DPP4: variants seen among roughly 807,000 people sequenced by gnomAD.
DPP4 encodes ADCP-2.
In DPP4, 93 loss-of-function variants were observed where a neutral mutation model predicts 122.4. The observed-to-expected ratio is 0.76, with a 90% CI of 0.64 to 0.90. The LOEUF is 0.90. DPP4 is among the 40% of genes least tolerant of loss of function. The pLI, the probability that DPP4 is intolerant of heterozygous loss-of-function variation, is 0.00. For synonymous variants in DPP4, 321 were observed against 302.9 expected (o/e 1.06, Z -0.62); for missense variants, 914 against 907.3 (o/e 1.01, Z -0.09).
At position 162,046,973 on chromosome 2, in the gene DPP4, ATATTATTTTCTTGTTTG is replaced by A; in HGVS notation, c.210_226del (p.Lys71LeufsTer6). The A allele has an allele frequency of 6.3e-7, 1 of 1,597,922 alleles. No homozygotes were observed. Among genetic ancestry groups the A allele is most frequent in the African/African-American group, 1.3e-5 (1 of 74,636 alleles). ...TCCATATTCAGCATTGAATACCAAG[ATATTATTTTCTTGTTTG>A]TAGAGATATTCATGATCTAAAGAGA... On this transcript the variant is annotated frameshift_variant, in exon 4 of 26. Coordinates refer to ENST00000360534, the MANE Select transcript of DPP4 (RefSeq NM_001935.4). LOFTEE classifies it high-confidence loss of function.
intron 20 of DPP4, 70 bp from the exon 21 acceptor site, chr2:162,009,365 T>C (rs1248615771): frequency 1.2e-5 from 16 of 1,369,356 alleles, no homozygotes; most frequent in Non-Finnish European, 1.7e-5. Context: ...GAGGCACAAA[T>C]GTGAAACCCT....
intron 2 of DPP4, among the ~76,000 whole-genome samples, chr2:162,051,700 GA>G (rs1275760948): frequency 6.6e-6 from 1 of 152,172 alleles, no homozygotes; most frequent in Non-Finnish European, 1.5e-5. Flanking sequence ...GGTGGTGGAG[GA>G]AAAATCAAGG....
intron 2 of DPP4, among the ~76,000 whole-genome samples, chr2:162,053,816 C>T (rs989682744): frequency 2.7e-4 from 41 of 152,238 alleles, no homozygotes; most frequent in Admixed American, 8.5e-4. Flanking sequence ...AAAGATTCCT[C>T]AGAAAGGCTA....
chr2:162,068,796 A>G lies in DPP4; in HGVS notation c.94+4603T>C, dbSNP rs6731198. Among the ~76,000 whole-genome samples the G allele has an allele frequency of 6.1e-3, 926 of 152,316 alleles. 9 individuals are homozygous for G. The highest frequency in any genetic ancestry group is 0.02 in the African/African-American group (845 of 41,572). On this transcript the variant is annotated intron_variant, in intron 2 of 25. Transcript: ENST00000360534. ...AGTCATTGCCTGTATACAGCTTTAT[A>G]TAGGAATGAAGGCATCCACAGTAGG...
chr2:162,042,038 G>A (rs1447654526), intron 5 of DPP4, among the ~76,000 whole-genome samples: 1 of 152,176 alleles, frequency 6.6e-6, no homozygotes, highest in Non-Finnish European at 1.5e-5. Context: ...GTTAGTGACA[G>A]AGGGTGACTG....
At chr2:162,063,313 T>C (rs1239040809) in intron 2 of DPP4, among the ~76,000 whole-genome samples, 1 of 152,134 alleles carries the variant, frequency 6.6e-6, no homozygotes, top group African/African-American at 2.4e-5. Context: ...AGTAAGCAGT[T>C]GTATACTGCA....
intron 4 of DPP4, 129 bp downstream of exon 4, chr2:162,046,786 A>C (rs1282653332): frequency 1.4e-6 from 1 of 721,494 alleles, no homozygotes; most frequent in Admixed American, 2.0e-5. Context: ...GAAGGAGAGA[A>C]AGATCCACTT....
intron 5 of DPP4, among the ~76,000 whole-genome samples, chr2:162,044,249 G>C (rs1466671894): frequency 1.3e-5 from 2 of 152,218 alleles, no homozygotes; most frequent in African/African-American, 2.4e-5. Flanking sequence ...TTCACTTACA[G>C]TTAATTTTAA....
At chr2:162,036,152 G>A (rs945577291) in intron 8 of DPP4, among the ~76,000 whole-genome samples, 1 of 152,254 alleles carries the variant, frequency 6.6e-6, no homozygotes, top group African/African-American at 2.4e-5. Context: ...TAAGTGGACT[G>A]GGTGGAGACG....
intron 10 of DPP4, among the ~76,000 whole-genome samples, chr2:162,030,914 G>A (rs532257153): frequency 3.9e-5 from 6 of 152,234 alleles, no homozygotes; most frequent in South Asian, 2.1e-4. Flanking sequence ...ACTTATTGAC[G>A]AATTCACATA....
intron 23 of DPP4, among the ~76,000 whole-genome samples, chr2:161,999,677 T>C (rs1701096079): frequency 1.3e-5 from 2 of 152,174 alleles, no homozygotes; most frequent in Admixed American, 1.3e-4. Flanking sequence ...TTCCAACAAA[T>C]AAATCTTTGT....
At chr2:162,030,389 C>T (rs1683501564) in intron 10 of DPP4, among the ~76,000 whole-genome samples, 1 of 152,218 alleles carries the variant, frequency 6.6e-6, no homozygotes, top group African/African-American at 2.4e-5. Flanking sequence ...AACAAAGTCA[C>T]AAACCAGCCT....
chr2:162,020,715 C>T, intron 12 of DPP4, 27 bp from the exon 13 acceptor site: 2 of 1,538,774 alleles, frequency 1.3e-6, no homozygotes, highest in Non-Finnish European at 8.9e-7. Context: ...AACAAAAGAA[C>T]ATTAAAGCAC....
chr2:162,006,604 T>C (rs1701287973), intron 22 of DPP4, among the ~76,000 whole-genome samples: 1 of 152,144 alleles, frequency 6.6e-6, no homozygotes, highest in African/African-American at 2.4e-5. Flanking sequence ...CTTTTATCTA[T>C]AAATATGGTT....
chr2:162,027,498 C>G (rs1176153392), intron 10 of DPP4, among the ~76,000 whole-genome samples: 1 of 152,118 alleles, frequency 6.6e-6, no homozygotes, highest in East Asian at 1.9e-4. Flanking sequence ...TTTGGACAAT[C>G]TGATGAAACT....
chr2:162,060,606 A>C (rs902478455), intron 2 of DPP4, among the ~76,000 whole-genome samples: 3 of 152,186 alleles, frequency 2.0e-5, no homozygotes, highest in Non-Finnish European at 2.9e-5. Flanking sequence ...AAAATTATAA[A>C]ATTAGCCAAC....
intron 2 of DPP4, among the ~76,000 whole-genome samples, chr2:162,058,319 C>T (rs1466806294): frequency 6.6e-6 from 1 of 152,188 alleles, no homozygotes; most frequent in Non-Finnish European, 1.5e-5. Flanking sequence ...GAGGTAGGAA[C>T]CCCTCAGATC....
intron 14 of DPP4, 92 bp from the exon 15 acceptor site, chr2:162,019,368 C>T (rs546657686): frequency 5.8e-5 from 51 of 886,476 alleles, no homozygotes; most frequent in Non-Finnish European, 5.3e-5. Flanking sequence ...CCTAAGTGTG[C>T]ACGGAGCGCG....
At chr2:162,035,112 C>A in intron 9 of DPP4, 52 bp downstream of exon 9, 1 of 1,534,932 alleles carries the variant, frequency 6.5e-7, no homozygotes, top group Non-Finnish European at 8.8e-7. Flanking sequence ...TTAAATGAAA[C>A]CATTCTCTTC....
Sources: gnomAD v4.1 joint callset for allele counts (sites outside exome capture counted in the v4.1 genomes callset) on GRCh38, gnomAD v4.1.1 for gene constraint, MANE v1.5 for transcripts, NCBI Gene and HGNC (gene_info 2026-07-23, HGNC 2026-07-21) for gene names.